Variants in ARHGEF37 observed in about 807,000 individuals in gnomAD.
ARHGEF37 encodes the protein Rho guanine nucleotide exchange factor 37.
In ARHGEF37, 55 loss-of-function variants were observed where a neutral mutation model predicts 71.1. That is an observed-to-expected ratio of 0.77 (90% CI 0.62 to 0.97). The LOEUF is 0.97. ARHGEF37 is among the 50% of genes least tolerant of loss of function. The probability of loss-of-function intolerance (pLI) is 0.00; values close to 1 mark genes in which losing one functional copy is unlikely to be tolerated. For synonymous variants in ARHGEF37, 327 were observed against 350.6 expected, an observed-to-expected ratio of 0.93 and a Z score of 0.75; for missense variants, 765 against 836.8, an observed-to-expected ratio of 0.91 and a Z score of 1.06.
chr5:149,584,404 G>A (rs750566640), intron 1 of ARHGEF37, among the ~76,000 whole-genome samples: 10 of 152,138 alleles, frequency 6.6e-5, no homozygotes, highest in Non-Finnish European at 1.3e-4. Context: ...GTATGGGAGA[G>A]GGGATGTCTG....
In ARHGEF37 at chr5:149,601,242, A is replaced by AACCT. The variant is rs1370641257; in HGVS notation, c.310+13_310+16dup. On this transcript the variant is annotated intron_variant, in intron 3 of 12. Transcript: ENST00000333677. The stretch of plus-strand genomic sequence containing the variant: ...AAGTGCAGCTAGTTGGTAAGCAAAA[A>AACCT]ACCTAAGGAGTTGTCAGCCTTAGAT... 6.2e-7 allele frequency: 1 copy of AACCT among 1,609,054 alleles called. No individual in the cohort carries two copies. The highest frequency in any genetic ancestry group is 8.5e-7 in the Non-Finnish European group (1 of 1,176,104).
At position 149,616,755 on chromosome 5, in the gene ARHGEF37, G is replaced by A. The variant is rs547194661; in HGVS notation, c.647G>A (p.Arg216His). The A allele has an allele frequency of 6.1e-5, 97 of 1,602,096 alleles. No individual in the cohort carries two copies. The East Asian group carries it at 1.3e-3, about 22-fold the overall frequency. ...ACCAATATCAATGAGTACAAGATGC[G>A]CAAGGAAGTGGGTAAGGACTTGGGC... ...VNTNINEYKM[R>H]KEVASKYTKV... The change falls in exon 5 of 13, where the codon CGC (arginine) becomes CAC (histidine). Residue 216 changes from arginine to histidine, a missense_variant. This residue lies in a region of ARHGEF37 where 167 missense variants were observed against 173.3 expected (regional missense o/e 0.96). Transcript: ENST00000333677.
At chr5:149,615,439 A>G (rs1206861998) in intron 4 of ARHGEF37, among the ~76,000 whole-genome samples, 2 of 151,916 alleles carry the variant, frequency 1.3e-5, no homozygotes, top group Non-Finnish European at 2.9e-5. Context: ...CTATAATGTG[A>G]TAGATACATA....
chr5:149,616,772 G>A lies in ARHGEF37; in HGVS notation c.658+6G>A. ...CAAGATGCGCAAGGAAGTGGGTAAG[G>A]ACTTGGGCATTTAAGGGGACACATT... On this transcript the variant is annotated splice_donor_region_variant and intron_variant, in intron 5 of 12. Coordinates refer to ENST00000333677, the MANE Select transcript of ARHGEF37 (RefSeq NM_001001669.3). 2.5e-6 allele frequency: 4 copies of A among 1,586,598 alleles called. No homozygotes were observed. The highest frequency in any genetic ancestry group is 1.7e-4 in the Middle Eastern group (1 of 5,952).
rs115276713 is a variant in ARHGEF37, at chr5:149,622,666, C to T, written c.1335+604C>T. Among the ~76,000 whole-genome samples, 567 of 152,268 alleles carry T rather than the reference C, an allele frequency of 3.7e-3. 5 individuals carry two copies. Among genetic ancestry groups the T allele is most frequent in the African/African-American group, 0.013 (550 of 41,548 alleles). ...GAACTCTGACAGTTCAGCTCCAGGG[C>T]CTGGACTCTGAACCACAACACTCAA... On this transcript the variant is annotated intron_variant, in intron 9 of 12. Transcript: ENST00000333677.
chr5:149,587,896 T>TCC (rs1763285140), intron 1 of ARHGEF37, among the ~76,000 whole-genome samples: 1 of 88,952 alleles, frequency 1.1e-5, no homozygotes, highest in Admixed American at 9.7e-5. Context: ...CCTTTAGTCT[T>TCC]TTTTTTTTTT....
Position 149,570,211 on chromosome 5 carries a change from G to T in ARHGEF37, c.-12+18088G>T, listed in dbSNP as rs368805146. Among the ~76,000 whole-genome samples the T allele has an allele frequency of 2.8e-4, 43 of 152,208 alleles. 1 individual carries two copies. The highest frequency in any genetic ancestry group is 9.6e-4 in the African/African-American group (40 of 41,522). Reference sequence around the variant, plus strand: ...AATTTAGCAAGGTTTCCAGGTACAAGGTCAATATATCTAAATTAGTTATAT... The same window carrying T: ...AATTTAGCAAGGTTTCCAGGTACAATGTCAATATATCTAAATTAGTTATAT... On this transcript the variant is annotated intron_variant, in intron 1 of 2. Coordinates refer to the ARHGEF37 transcript ENST00000505810.
At position 149,620,397 on chromosome 5, in the gene ARHGEF37, C is replaced by T. The variant is rs775265891; in HGVS notation, c.938C>T (p.Pro313Leu). 1 of 1,612,488 alleles carries T rather than the reference C, an allele frequency of 6.2e-7. No individual in the cohort carries two copies. The highest frequency in any genetic ancestry group is 1.1e-5 in the South Asian group (1 of 90,808). The change falls in exon 8 of 13, where the codon CCC becomes CTC. Residue 313 changes from proline to leucine, a missense_variant. Around this residue, in one of 5 missense-constraint regions of ARHGEF37, gnomAD observed 167 missense variants for 173.3 expected, o/e 0.96. Transcript: ENST00000333677. ...FRPHEYNLDI[P>L]EGPAVQYCNL... The stretch of plus-strand genomic sequence containing the variant: ...CCGCACGAATACAATCTGGACATCC[C>T]CGAGGGGCCTGCAGTGCAGTATTGC...
At chr5:149,621,656 G>A (rs898833846) in intron 8 of ARHGEF37, 77 bp from the exon 9 acceptor site, 1 of 1,366,152 alleles carries the variant, frequency 7.3e-7, no homozygotes, top group African/African-American at 1.5e-5. Flanking sequence ...AGGCCTGCAT[G>A]CTTCCAAAGC....
At chr5:149,608,787 C>T (rs1015230761) in intron 3 of ARHGEF37, among the ~76,000 whole-genome samples, 1 of 152,142 alleles carries the variant, frequency 6.6e-6, no homozygotes, top group Non-Finnish European at 1.5e-5. Context: ...CCCTAGTTCC[C>T]TGGAATCCAA....
At chr5:149,598,061 C>T (rs1390681623) in intron 2 of ARHGEF37, 106 bp downstream of exon 2, 11 of 1,345,678 alleles carry the variant, frequency 8.2e-6, no homozygotes, top group African/African-American at 1.5e-5. Flanking sequence ...AGAAAGGAAG[C>T]GTGGTAGATG....
At chr5:149,597,413 CA>C (rs1186851866) in intron 1 of ARHGEF37, among the ~76,000 whole-genome samples, 2 of 152,104 alleles carry the variant, frequency 1.3e-5, no homozygotes, top group African/African-American at 2.4e-5. Flanking sequence ...AGCCCGCCAC[CA>C]TGCCTGGCTA....
At chr5:149,583,796 CT>C (rs1763166906) in intron 1 of ARHGEF37, among the ~76,000 whole-genome samples, 1 of 152,204 alleles carries the variant, frequency 6.6e-6, no homozygotes, top group Non-Finnish European at 1.5e-5. Context: ...AGGGTCTCCT[CT>C]GTCACCCAGG....
At chr5:149,554,406 G>C (rs1190611079) in intron 1 of ARHGEF37, among the ~76,000 whole-genome samples, 1 of 152,100 alleles carries the variant, frequency 6.6e-6, no homozygotes, top group African/African-American at 2.4e-5. Flanking sequence ...TAGAACTTGT[G>C]TAAGCCCATT....
At chr5:149,611,044 C>T (rs747047918) in intron 4 of ARHGEF37, among the ~76,000 whole-genome samples, 23 of 152,256 alleles carry the variant, frequency 1.5e-4, no homozygotes, top group Non-Finnish European at 2.6e-4. Context: ...ATCTGGGACA[C>T]ATGAGCTGCC....
At chr5:149,608,266 CA>C (rs1763972946) in intron 3 of ARHGEF37, among the ~76,000 whole-genome samples, 1 of 942 alleles carries the variant, frequency 1.1e-3, no homozygotes, top group Non-Finnish European at 0.017. Flanking sequence ...AGAGGCCTGA[CA>C]TATATAATAA....
intron 12 of ARHGEF37, among the ~76,000 whole-genome samples, chr5:149,630,763 A>G (rs1224616448): frequency 1.3e-5 from 2 of 152,294 alleles, no homozygotes; most frequent in East Asian, 1.9e-4. Context: ...TCAGCTGTCT[A>G]TCTGCCCAAG....
At chr5:149,586,324 C>T (rs1763236753) in intron 1 of ARHGEF37, among the ~76,000 whole-genome samples, 1 of 152,208 alleles carries the variant, frequency 6.6e-6, no homozygotes, top group Admixed American at 6.5e-5. Context: ...TGCAGTGGCA[C>T]AATCTCAGCT....
intron 2 of ARHGEF37, among the ~76,000 whole-genome samples, chr5:149,598,476 CTCT>C (rs1233450471): frequency 2.1e-5 from 3 of 142,694 alleles, no homozygotes; most frequent in Non-Finnish European, 4.5e-5. Context: ...TTTCTTTTTC[CTCT>C]TCTTCTTCTT....
Sources: gnomAD v4.1 joint callset for allele counts (sites outside exome capture counted in the v4.1 genomes callset) on GRCh38, gnomAD v4.1.1 for gene constraint, gnomAD v4.1.1 regional missense constraint, MANE v1.5 for transcripts, NCBI Gene and HGNC (gene_info 2026-07-23, HGNC 2026-07-21) for gene names.